The following ULK4 variants were observed in gnomAD, a reference collection of about 807,000 sequenced individuals.
The protein encoded by ULK4 is unc-51 like kinase 4.
Under a neutral mutation model 160.6 loss-of-function variants are expected in ULK4, and 133 were observed. That is an observed-to-expected ratio of 0.83 (90% CI 0.72 to 0.96). The LOEUF (loss-of-function observed/expected upper bound fraction) is 0.96. ULK4 is among the 40% of genes least tolerant of loss of function. ULK4 has a pLI of 0.00. For synonymous variants in ULK4, 534 were observed against 539.8 expected (o/e 0.99, Z 0.15); for missense variants, 1,580 against 1,499.5 (o/e 1.05, Z -0.89).
At chr3:41,325,523 A>G (rs945261515) in intron 35 of ULK4, among the ~76,000 whole-genome samples, 1 of 152,210 alleles carries the variant, frequency 6.6e-6, no homozygotes, top group African/African-American at 2.4e-5. Flanking sequence ...TGTTTTGGTG[A>G]AAATGGTTTC....
At chr3:41,459,414 A>G (rs1390554787) in intron 33 of ULK4, among the ~76,000 whole-genome samples, 1 of 152,146 alleles carries the variant, frequency 6.6e-6, no homozygotes, top group Admixed American at 6.5e-5. Context: ...ACAGTGGAGC[A>G]TAACTGTCAA....
chr3:41,537,614 CA>C (rs1260248466), intron 32 of ULK4, among the ~76,000 whole-genome samples: 4 of 152,046 alleles, frequency 2.6e-5, no homozygotes, highest in Non-Finnish European at 5.9e-5. Context: ...AACCATTGTC[CA>C]ATATCAAAAG....
rs369238979 is a variant in ULK4 at position 41,246,900 on chromosome 3, G to A, written c.*29C>T. The A allele has an allele frequency of 3.7e-6, 6 of 1,610,808 alleles. No homozygotes were observed. In the African/African-American group the frequency reaches 5.3e-5, roughly 14 times the overall value. ...TATGCATCCGAGGGCTGGGGCCACA[G>A]GGCGGGCTTGTGCTAAGCACCTTCT... On this transcript the variant is annotated 3_prime_UTR_variant, in exon 37 of 37. Coordinates refer to ENST00000301831, the MANE Select transcript of ULK4 (RefSeq NM_017886.4).
At chr3:41,590,116 C>A (rs1179240119) in intron 31 of ULK4, among the ~76,000 whole-genome samples, 4 of 151,816 alleles carry the variant, frequency 2.6e-5, no homozygotes, top group African/African-American at 9.7e-5. Flanking sequence ...CATTCTCCTG[C>A]CTCAGCCACC....
intron 16 of ULK4, among the ~76,000 whole-genome samples, chr3:41,885,876 C>G (rs2148773437): frequency 6.6e-6 from 1 of 152,110 alleles, no homozygotes. Context: ...TGGGGTTTCG[C>G]CATGTTGTCC....
chr3:41,406,260 C>T (rs1025507740), intron 34 of ULK4, among the ~76,000 whole-genome samples: 1 of 152,114 alleles, frequency 6.6e-6, no homozygotes, highest in African/African-American at 2.4e-5. Context: ...TTGACTTTGT[C>T]AAAGATCAGG....
chr3:41,544,248 A>G (rs1301261380), intron 32 of ULK4, among the ~76,000 whole-genome samples: 2 of 152,202 alleles, frequency 1.3e-5, no homozygotes, highest in African/African-American at 2.4e-5. Context: ...TAAAGTCTAT[A>G]TTCCCTGTAG....
intron 34 of ULK4, among the ~76,000 whole-genome samples, chr3:41,454,453 T>C (rs2125870424): frequency 6.7e-6 from 1 of 149,604 alleles, no homozygotes; most frequent in East Asian, 2.0e-4. Flanking sequence ...GGCAGGAGAA[T>C]TGCTTGAACC....
At chr3:41,295,495 A>C (rs1424742997) in intron 35 of ULK4, among the ~76,000 whole-genome samples, 1 of 133,470 alleles carries the variant, frequency 7.5e-6, no homozygotes, top group Admixed American at 7.2e-5. Context: ...TAAAACTTAA[A>C]ACTTCTGCCA....
At chr3:41,781,244 T>C (rs1212377541) in intron 21 of ULK4, among the ~76,000 whole-genome samples, 3 of 151,902 alleles carry the variant, frequency 2.0e-5, no homozygotes, top group Non-Finnish European at 2.9e-5. Context: ...GGTGAAACCC[T>C]GTCTCTACTA....
At chr3:41,548,365 G>A (rs2086938204) in intron 32 of ULK4, among the ~76,000 whole-genome samples, 1 of 151,870 alleles carries the variant, frequency 6.6e-6, no homozygotes, top group South Asian at 2.1e-4. Flanking sequence ...TCTGCTTGGG[G>A]GCCTGGTGAC....
In ULK4 at chr3:41,566,041, T is replaced by A. The variant is rs762653651; in HGVS notation, c.3210A>T (p.Glu1070Asp). ...GGCATTTACCTTGTTCATAAAGTAG[T>A]TCCATATTCGAATCTTTGCAGGCAA... ...NLVACKDSNM[E>D]LLYEQGLVSH... Residue 1070 changes from glutamate (E) to aspartate (D), a missense_variant, in exon 32 of 37, where the codon GAA (glutamate) becomes GAT (aspartate). By Grantham distance (45) the Glu-to-Asp change is conservative. Transcript: ENST00000301831. 3 of 1,613,440 alleles carry A rather than the reference T, an allele frequency of 1.9e-6. No individual in the cohort carries two copies. The highest frequency in any genetic ancestry group is 2.5e-6 in the Non-Finnish European group (3 of 1,179,746).
At chr3:41,634,908 A>T (rs1397133144) in intron 30 of ULK4, among the ~76,000 whole-genome samples, 1 of 152,242 alleles carries the variant, frequency 6.6e-6, no homozygotes, top group Non-Finnish European at 1.5e-5. Flanking sequence ...CAAAGTTGGA[A>T]AAGAAGAATA....
intron 32 of ULK4, among the ~76,000 whole-genome samples, chr3:41,480,518 T>C (rs1480848827): frequency 6.6e-6 from 1 of 152,172 alleles, no homozygotes; most frequent in Non-Finnish European, 1.5e-5. Context: ...GTCTACTCAA[T>C]GTGAAAATAA....
intron 20 of ULK4, among the ~76,000 whole-genome samples, chr3:41,795,314 T>A (rs1359867859): frequency 6.6e-6 from 1 of 152,214 alleles, no homozygotes; most frequent in Non-Finnish European, 1.5e-5. Flanking sequence ...AATGATCTCA[T>A]GCTGTTCCCC....
intron 19 of ULK4, among the ~76,000 whole-genome samples, chr3:41,815,417 A>C (rs1284741533): frequency 6.6e-6 from 1 of 152,144 alleles, no homozygotes; most frequent in Non-Finnish European, 1.5e-5. Flanking sequence ...ATTTTATGTG[A>C]ATACATTTGT....
At chr3:41,775,576 T>C (rs1211292261) in intron 21 of ULK4, among the ~76,000 whole-genome samples, 1 of 150,342 alleles carries the variant, frequency 6.7e-6, no homozygotes, top group Admixed American at 6.6e-5. Context: ...TTTTTGTATT[T>C]TTAGTAGAGA....
At chr3:41,267,808 A>C (rs1368730783) in intron 35 of ULK4, among the ~76,000 whole-genome samples, 1 of 152,208 alleles carries the variant, frequency 6.6e-6, no homozygotes, top group African/African-American at 2.4e-5. Flanking sequence ...CTCAGGAGGC[A>C]AAGTGACTAG....
intron 31 of ULK4, 124 bp from the exon 32 acceptor site, chr3:41,566,254 C>T (rs1194363604): frequency 1.3e-6 from 1 of 765,376 alleles, no homozygotes; most frequent in Admixed American, 2.7e-5. Flanking sequence ...TACCTTTTTG[C>T]ACTTTAATGA....
Sources: gnomAD v4.1 joint callset for allele counts (sites outside exome capture counted in the v4.1 genomes callset) on GRCh38, gnomAD v4.1.1 for gene constraint, MANE v1.5 for transcripts, NCBI Gene and HGNC (gene_info 2026-07-23, HGNC 2026-07-21) for gene names.